The following SYNPR variants were observed in gnomAD, a reference collection of about 807,000 sequenced individuals.
SYNPR encodes the protein synaptoporin.
A neutral mutation model predicts 32.9 loss-of-function variants in SYNPR; 23 were observed. The ratio of observed to expected loss-of-function variants is 0.70; its 90% confidence interval spans 0.50 to 0.99. The LOEUF (loss-of-function observed/expected upper bound fraction) is 0.99, where lower values mean the gene tolerates loss of function less well. Ranked by LOEUF, SYNPR falls within the 50% of genes least tolerant of loss-of-function variation. SYNPR has a pLI of 0.00. For synonymous variants in SYNPR, 146 were observed against 135.9 expected (o/e 1.07, Z -0.52); for missense variants, 318 against 349.3 (o/e 0.91, Z 0.71).
In SYNPR at chr3:63,578,449, G is replaced by A. The variant is rs72889226; in HGVS notation, c.408+21708G>A. 3.5e-3 allele frequency among the ~76,000 whole-genome samples: 533 copies of A among 152,210 alleles called. 4 individuals are homozygous for A. The highest frequency in any genetic ancestry group is 0.012 in the African/African-American group (505 of 41,546). Reference sequence around the variant, plus strand: ...AAAGGAGCATAGGTCTTCCATGTGTGGATAGTAGCAAAGAGTTGAGGGGTG... The same window carrying A: ...AAAGGAGCATAGGTCTTCCATGTGTAGATAGTAGCAAAGAGTTGAGGGGTG... On this transcript the variant is annotated intron_variant, in intron 4 of 5. Coordinates refer to ENST00000478300, the MANE Select transcript of SYNPR (RefSeq NM_001130003.2).
chr3:63,476,148 AGGGAG>A (rs1559510413), intron 2 of SYNPR, among the ~76,000 whole-genome samples: 1 of 22,100 alleles, frequency 4.5e-5, no homozygotes, highest in Non-Finnish European at 8.5e-5. Flanking sequence ...GAAGGAAGGA[AGGGAG>A]GGAGGGAGGG....
At chr3:63,258,870 A>G in intron 2 of SYNPR, among the ~76,000 whole-genome samples, 1 of 152,192 alleles carries the variant, frequency 6.6e-6, no homozygotes, top group African/African-American at 2.4e-5. Flanking sequence ...AATAGATGCA[A>G]TAAAAAATGA....
chr3:63,494,454 TATATACATATATACAC>T (rs1559516394), intron 3 of SYNPR, among the ~76,000 whole-genome samples: 2 of 141,036 alleles, frequency 1.4e-5, no homozygotes, highest in South Asian at 2.2e-4. Context: ...TATACACATA[TATATACATATATACAC>T]ATATATACAT....
chr3:63,535,064 C>A (rs1354667078), intron 3 of SYNPR, among the ~76,000 whole-genome samples: 10 of 152,056 alleles, frequency 6.6e-5, no homozygotes, highest in Non-Finnish European at 1.2e-4. Flanking sequence ...AGGGATCAAA[C>A]AAATTAAGTA....
At chr3:63,265,238 ATTCTTTTTTTTTTTT>A (rs1358768253) in intron 2 of SYNPR, among the ~76,000 whole-genome samples, 2 of 87,898 alleles carry the variant, frequency 2.3e-5, no homozygotes, top group Non-Finnish European at 4.6e-5. Context: ...TTCTAATGAC[ATTCTTTTTTTTTTTT>A]TTTTTTTTTT....
intron 2 of SYNPR, among the ~76,000 whole-genome samples, chr3:63,412,949 C>T (rs748809294): frequency 3.9e-5 from 6 of 152,118 alleles, no homozygotes; most frequent in Non-Finnish European, 5.9e-5. Context: ...CACTCAAATT[C>T]GGAACCTGCT....
intron 2 of SYNPR, among the ~76,000 whole-genome samples, chr3:63,445,735 C>A (rs1174623937): frequency 1.3e-5 from 2 of 152,104 alleles, no homozygotes; most frequent in African/African-American, 4.8e-5. Flanking sequence ...CTTGAGGAAA[C>A]ACAGTGAGCG....
intron 2 of SYNPR, among the ~76,000 whole-genome samples, chr3:63,414,161 T>A (rs1403126215): frequency 1.3e-5 from 2 of 152,068 alleles, no homozygotes; most frequent in African/African-American, 4.8e-5. Context: ...ATGATTCTTA[T>A]GTGGGAAGAA....
At chr3:63,544,387 T>C (rs1403668098) in intron 3 of SYNPR, among the ~76,000 whole-genome samples, 3 of 152,148 alleles carry the variant, frequency 2.0e-5, no homozygotes, top group Non-Finnish European at 4.4e-5. Flanking sequence ...TATTAATCAC[T>C]AAAGAATTGG....
intron 1 of SYNPR, among the ~76,000 whole-genome samples, chr3:63,248,706 C>T (rs762105868): frequency 6.6e-6 from 1 of 152,114 alleles, no homozygotes; most frequent in Admixed American, 6.6e-5. Context: ...GAAATAGATG[C>T]TCTGCAACAT....
At chr3:63,333,676 C>T (rs1349215992) in intron 2 of SYNPR, among the ~76,000 whole-genome samples, 1 of 152,134 alleles carries the variant, frequency 6.6e-6, no homozygotes, top group African/African-American at 2.4e-5. Flanking sequence ...CCTTGGCTTT[C>T]CAAAGTGCTT....
intron 2 of SYNPR, among the ~76,000 whole-genome samples, chr3:63,254,277 C>A (rs2367770): frequency 0.069 from 10,495 of 151,990 alleles, 1,213 homozygotes; most frequent in African/African-American, 0.24. Flanking sequence ...ATGTAACAAA[C>A]CTGTACGTTG....
At chr3:63,606,535 G>A (rs141476749) in intron 4 of SYNPR, among the ~76,000 whole-genome samples, 13 of 148,620 alleles carry the variant, frequency 8.7e-5, no homozygotes, top group African/African-American at 2.7e-4. Context: ...GGGATCAGGC[G>A]ATCTCCCACC....
Position 63,494,541 on chromosome 3 carries a change from G to A in SYNPR, c.209+13585G>A, listed in dbSNP as rs1185984864. Among the ~76,000 whole-genome samples, 3 of 143,588 alleles carry A rather than the reference G, an allele frequency of 2.1e-5. No homozygotes were observed. In the South Asian group the frequency reaches 6.4e-4, roughly 31 times the overall value. The allele number at this position is 143,588 out of a possible 152,430, so 94.2% of individuals were successfully genotyped here. On this transcript the variant is annotated intron_variant, in intron 3 of 5. Coordinates refer to ENST00000478300, the MANE Select transcript of SYNPR (RefSeq NM_001130003.2). ...TATATACATATATATATATGGCAAA[G>A]ATCATCATCATCATCGTTGTCATCG... is the stretch of plus-strand genomic sequence containing the variant.
chr3:63,263,541 A>C (rs1159405569), intron 2 of SYNPR, among the ~76,000 whole-genome samples: 1 of 152,238 alleles, frequency 6.6e-6, no homozygotes, highest in Non-Finnish European at 1.5e-5. Flanking sequence ...GGCAGCAATC[A>C]ACAGAGGAGG....
At chr3:63,596,220 G>A (rs1431086364) in intron 4 of SYNPR, among the ~76,000 whole-genome samples, 4 of 149,846 alleles carry the variant, frequency 2.7e-5, no homozygotes, top group East Asian at 2.0e-4. Context: ...CCTTCTTCGT[G>A]CTCCCCTCTC....
At chr3:63,344,550 A>ATT (rs10627844) in intron 2 of SYNPR, among the ~76,000 whole-genome samples, 80,877 of 130,446 alleles carry the variant, frequency 0.62, 26,465 homozygotes, top group Non-Finnish European at 0.71. Flanking sequence ...TTCAAAAAAG[A>ATT]TTTTTTTTTT....
chr3:63,453,049 T>C (rs985459609), intron 2 of SYNPR, among the ~76,000 whole-genome samples: 1 of 152,096 alleles, frequency 6.6e-6, no homozygotes, highest in African/African-American at 2.4e-5. Context: ...ACCTGGGAGC[T>C]TGTTAAAAAT....
At chr3:63,337,000 G>A (rs767344677) in intron 2 of SYNPR, among the ~76,000 whole-genome samples, 6 of 152,056 alleles carry the variant, frequency 3.9e-5, no homozygotes, top group African/African-American at 9.7e-5. Context: ...GGAAGGTCCA[G>A]GTGGGCAGAT....
Sources: allele counts gnomAD v4.1 joint callset (sites outside exome capture counted in the v4.1 genomes callset), GRCh38; gene constraint gnomAD v4.1.1; transcripts MANE v1.5; gene names NCBI Gene and HGNC (gene_info 2026-07-23, HGNC 2026-07-21).